The following GALNT13 variants were observed in gnomAD, a reference collection of about 807,000 sequenced individuals.
GALNT13 encodes the protein UDP-GalNAc:polypeptide N-acetylgalactosaminyltransferase 13.
A neutral mutation model predicts 64.2 loss-of-function variants in GALNT13; 28 were observed. The ratio of observed to expected loss-of-function variants is 0.44; its 90% CI spans 0.32 to 0.60. The LOEUF (loss-of-function observed/expected upper bound fraction) is 0.60, where lower values mean the gene tolerates loss of function less well. Ranked by LOEUF, GALNT13 falls within the 20% of genes least tolerant of loss-of-function variation. GALNT13 has a pLI of 0.05. For missense variants in GALNT13, 577 were observed against 669.8 expected (o/e 0.86, Z 1.53); for synonymous variants, 214 against 224.6 (o/e 0.95, Z 0.42).
the GALNT13 span, among the ~76,000 whole-genome samples, chr2:153,595,646 C>T: frequency 6.6e-6 from 1 of 151,908 alleles, no homozygotes; most frequent in Non-Finnish European, 1.5e-5. Flanking sequence ...AAAATTATTA[C>T]AAAATGAGCT....
the GALNT13 span, among the ~76,000 whole-genome samples, chr2:153,305,792 A>G: frequency 2.0e-5 from 3 of 152,122 alleles, no homozygotes; most frequent in African/African-American, 7.2e-5. Flanking sequence ...TACTTCCCCC[A>G]TGACAGGTTT....
the GALNT13 span, among the ~76,000 whole-genome samples, chr2:153,656,051 A>T: frequency 2.0e-5 from 3 of 152,138 alleles, no homozygotes; most frequent in Non-Finnish European, 4.4e-5. Flanking sequence ...TGTGAATGGT[A>T]TGTCTCCGTA....
chr2:154,105,890 C>T (rs182531034), intron 3 of GALNT13, among the ~76,000 whole-genome samples: 3 of 151,956 alleles, frequency 2.0e-5, no homozygotes, highest in Non-Finnish European at 4.4e-5. Flanking sequence ...TAGTACCTAC[C>T]GTAGCAGACA....
intron 3 of GALNT13, among the ~76,000 whole-genome samples, chr2:154,113,688 T>A (rs1019962819): frequency 2.0e-5 from 3 of 152,216 alleles, no homozygotes; most frequent in African/African-American, 7.2e-5. Flanking sequence ...CTGGATCCAA[T>A]CAGCATAATG....
At chr2:153,691,301 C>A in the GALNT13 span, among the ~76,000 whole-genome samples, 1 of 151,972 alleles carries the variant, frequency 6.6e-6, no homozygotes, top group South Asian at 2.1e-4. Flanking sequence ...AATTATTTAC[C>A]TTTGCCGGAG....
chr2:154,436,214 A>T (rs939653323), intron 11 of GALNT13: 1 of 152,192 alleles, frequency 6.6e-6, no homozygotes, highest in Admixed American at 6.5e-5. Context: ...AATTTAGCAG[A>T]CATATAATTT....
the GALNT13 span, among the ~76,000 whole-genome samples, chr2:153,270,388 G>T: frequency 6.6e-6 from 1 of 152,124 alleles, no homozygotes; most frequent in East Asian, 1.9e-4. Context: ...ATTTGTCTTC[G>T]ATGTCTGTTA....
intron 4 of GALNT13, among the ~76,000 whole-genome samples, chr2:154,213,246 A>G (rs60009175): frequency 6.6e-6 from 1 of 152,006 alleles, no homozygotes; most frequent in African/African-American, 2.4e-5. Context: ...CACCCCGCTA[A>G]TTTTTGTATC....
intron 11 of GALNT13, among the ~76,000 whole-genome samples, chr2:154,421,882 A>G (rs1700270156): frequency 6.6e-6 from 1 of 152,110 alleles, no homozygotes; most frequent in Admixed American, 6.6e-5. Flanking sequence ...CATATACTCA[A>G]TCTCATAGGG....
chr2:153,087,074 T>G, the GALNT13 span, among the ~76,000 whole-genome samples: 5 of 152,084 alleles, frequency 3.3e-5, no homozygotes, highest in Admixed American at 6.6e-5. Context: ...CTCAGGGGAG[T>G]TCTTTCAACT....
chr2:153,129,495 C>T, the GALNT13 span, among the ~76,000 whole-genome samples: 83 of 152,186 alleles, frequency 5.5e-4, no homozygotes, highest in Non-Finnish European at 8.2e-4. Flanking sequence ...ACCAATTAGG[C>T]TGGGCGCAGT....
chr2:154,142,263 A>G (rs111675124), intron 4 of GALNT13, among the ~76,000 whole-genome samples: 436 of 152,130 alleles, frequency 2.9e-3, no homozygotes, highest in Non-Finnish European at 5.0e-3. Flanking sequence ...TAATATGAAA[A>G]CCTTGGCTGG....
chr2:153,119,625 G>T, the GALNT13 span, among the ~76,000 whole-genome samples: 1 of 152,178 alleles, frequency 6.6e-6, no homozygotes, highest in African/African-American at 2.4e-5. Context: ...CTTTGCACTT[G>T]TTTGTAAGGT....
the GALNT13 span, among the ~76,000 whole-genome samples, chr2:153,492,452 T>G: frequency 6.6e-6 from 1 of 152,186 alleles, no homozygotes; most frequent in Non-Finnish European, 1.5e-5. Flanking sequence ...GAGTTGCTGC[T>G]TTGCAGAATT....
the GALNT13 span, among the ~76,000 whole-genome samples, chr2:153,644,100 A>C: frequency 1.3e-5 from 2 of 152,066 alleles, no homozygotes; most frequent in African/African-American, 4.8e-5. Flanking sequence ...GAGGAATAGA[A>C]AGGAGGGACA....
chr2:153,381,029 G>A, the GALNT13 span, among the ~76,000 whole-genome samples: 3 of 151,668 alleles, frequency 2.0e-5, no homozygotes, highest in East Asian at 1.9e-4. Context: ...GCCTCATCAC[G>A]GGCTCAAGTT....
the GALNT13 span, among the ~76,000 whole-genome samples, chr2:153,279,022 A>T: frequency 6.6e-6 from 1 of 152,084 alleles, no homozygotes; most frequent in Non-Finnish European, 1.5e-5. Context: ...TGAGTCATTT[A>T]TGATTTCTTT....
the GALNT13 span, among the ~76,000 whole-genome samples, chr2:153,627,757 A>C: frequency 6.6e-6 from 1 of 151,954 alleles, no homozygotes; most frequent in Non-Finnish European, 1.5e-5. Context: ...TGTCTGACAA[A>C]ATTTTTAGGC....
the GALNT13 span, among the ~76,000 whole-genome samples, chr2:153,517,740 A>G: frequency 6.6e-6 from 1 of 152,202 alleles, no homozygotes; most frequent in South Asian, 2.1e-4. Flanking sequence ...GGCAGACATC[A>G]TAGTAACACA....
Sources: allele counts gnomAD v4.1 joint callset (sites outside exome capture counted in the v4.1 genomes callset), GRCh38; gene constraint gnomAD v4.1.1; transcripts MANE v1.5; gene names NCBI Gene and HGNC (gene_info 2026-07-23, HGNC 2026-07-21).